Variants in ERP44 observed in about 807,000 individuals in gnomAD.
ERP44 encodes the protein endoplasmic reticulum resident protein 44.
A neutral mutation model predicts 53.4 loss-of-function variants in ERP44; 25 were observed. The observed-to-expected ratio is 0.47, with a 90% CI of 0.34 to 0.65. ERP44 has a LOEUF of 0.65. Among genes scored for constraint, ERP44 ranks in the 30% least tolerant of loss-of-function variants. ERP44 has a pLI of 0.01. For missense variants in ERP44, 338 were observed against 493.2 expected (o/e 0.69, Z 2.98); for synonymous variants, 145 against 161.2 (o/e 0.90, Z 0.76).
chr9:100,062,475 AACTT>A (rs1379485561), intron 1 of ERP44, among the ~76,000 whole-genome samples: 2 of 152,134 alleles, frequency 1.3e-5, no homozygotes, highest in African/African-American at 4.8e-5. Flanking sequence ...GCTAAAGAAA[AACTT>A]AAGAAGGCAG....
intron 6 of ERP44, among the ~76,000 whole-genome samples, chr9:100,020,320 TCTGA>T (rs1830574142): frequency 6.6e-6 from 1 of 152,238 alleles, no homozygotes; most frequent in Non-Finnish European, 1.5e-5. Context: ...TAGCATTTTG[TCTGA>T]CATAGGGTAA....
intron 10 of ERP44, among the ~76,000 whole-genome samples, chr9:100,003,533 C>G (rs1343915639): frequency 6.6e-6 from 1 of 152,250 alleles, no homozygotes; most frequent in Non-Finnish European, 1.5e-5. Flanking sequence ...TCTTAAGAGT[C>G]TTCACACTGG....
chr9:100,068,839 G>A (rs1308615101), intron 1 of ERP44, among the ~76,000 whole-genome samples: 1 of 152,224 alleles, frequency 6.6e-6, no homozygotes, highest in African/African-American at 2.4e-5. Flanking sequence ...GCGTTTTTGT[G>A]GAATGGAAAG....
Position 100,020,657 on chromosome 9 carries a change from C to T in ERP44, c.546G>A (p.Ala182=), listed in dbSNP as rs768743894. ...SDNYRVFERV[A]NILHDDCAFL... is the part of the protein sequence containing the mutation. ...AGGCACAGTCATCATGCAAAATATT[C>T]GCTACTCGTTCAAAAACTCTATAGT... The change falls in exon 6 of 12, where the codon GCG becomes GCA. Residue 182 remains alanine, a synonymous_variant. Coordinates refer to ENST00000262455, the MANE Select transcript of ERP44 (RefSeq NM_015051.3). 59 of 1,610,110 alleles carry T rather than the reference C, an allele frequency of 3.7e-5. No homozygotes were observed. The highest frequency in any genetic ancestry group is 4.3e-5 in the Non-Finnish European group (51 of 1,176,922).
chr9:100,067,927 C>G (rs960007896), intron 1 of ERP44, among the ~76,000 whole-genome samples: 1 of 151,562 alleles, frequency 6.6e-6, no homozygotes, highest in Non-Finnish European at 1.5e-5. Flanking sequence ...GCAACCACCC[C>G]GTCTGGGAAG....
At chr9:100,014,238 T>A (rs1830506171) in intron 8 of ERP44, among the ~76,000 whole-genome samples, 1 of 152,158 alleles carries the variant, frequency 6.6e-6, no homozygotes, top group Admixed American at 6.5e-5. Context: ...GCTGCCTGAT[T>A]CTGTTAGGTC....
intron 10 of ERP44, among the ~76,000 whole-genome samples, chr9:99,988,416 T>C (rs1271006512): frequency 6.6e-6 from 1 of 152,262 alleles, no homozygotes; most frequent in East Asian, 1.9e-4. Context: ...AGGTACATGA[T>C]AAATTCTAAG....
chr9:100,016,528 G>T, intron 7 of ERP44, 90 bp from the exon 8 acceptor site: 5 of 1,418,600 alleles, frequency 3.5e-6, no homozygotes, highest in Non-Finnish European at 4.6e-6. Flanking sequence ...TTAAAGCAAG[G>T]TCTCACTCTG....
chr9:100,077,470 C>T (rs1190364882), intron 1 of ERP44, among the ~76,000 whole-genome samples: 3 of 152,176 alleles, frequency 2.0e-5, no homozygotes, highest in Non-Finnish European at 4.4e-5. Context: ...GAATCAACAT[C>T]CAATATATGG....
rs551965377 is a variant in ERP44, at chr9:99,989,329, C to T, written c.1017-4260G>A. Among the ~76,000 whole-genome samples the T allele has an allele frequency of 2.3e-4, 35 of 152,322 alleles. 1 individual carries two copies. In the South Asian group the frequency reaches 6.8e-3, roughly 30 times the overall value. ...AGCTGGGTGCCCCTCTGAGACGAAG[C>T]TTCCAGAGAAAGGATTAGGCAGCAA... On this transcript the variant is annotated intron_variant, in intron 10 of 11. Transcript: ENST00000262455.
chr9:100,065,502 ATG>A (rs1012799027), intron 1 of ERP44, among the ~76,000 whole-genome samples: 2 of 152,218 alleles, frequency 1.3e-5, no homozygotes, highest in African/African-American at 4.8e-5. Context: ...AAAAATAAGT[ATG>A]TGAGGTGACA....
intron 1 of ERP44, among the ~76,000 whole-genome samples, chr9:100,094,039 T>A (rs1409622925): frequency 6.6e-6 from 1 of 152,208 alleles, no homozygotes; most frequent in Admixed American, 6.5e-5. Flanking sequence ...TACAGAAATC[T>A]ATCTCAAAGA....
intron 1 of ERP44, among the ~76,000 whole-genome samples, chr9:100,082,747 T>C (rs1483450557): frequency 9.9e-6 from 1 of 101,252 alleles, no homozygotes; most frequent in Non-Finnish European, 1.9e-5. Flanking sequence ...ATGGAGGGCC[T>C]ACTGTAGGAA....
chr9:100,098,164 T>C (rs1826670974), intron 1 of ERP44, among the ~76,000 whole-genome samples: 1 of 152,110 alleles, frequency 6.6e-6, no homozygotes, highest in African/African-American at 2.4e-5. Flanking sequence ...GAAGAAGAAA[T>C]CTGCTTCCAT....
In ERP44 at chr9:99,984,933, A is replaced by G. The variant is rs1298394727; in HGVS notation, c.1119+34T>C. On this transcript the variant is annotated intron_variant, in intron 11 of 11. Coordinates refer to ENST00000262455, the MANE Select transcript of ERP44 (RefSeq NM_015051.3). ...GAGGCTAACTGAAAAAGGGAAAAAA[A>G]GAGTTCTCATTGAAAAATAAACAGG... 4 of 1,370,392 alleles carry G rather than the reference A, an allele frequency of 2.9e-6. No homozygotes were observed. In the African/African-American group the frequency reaches 5.7e-5, roughly 20 times the overall value. The allele number at this position is 1,370,392 out of a possible 1,614,324, so 84.9% of individuals were successfully genotyped here.
At chr9:100,043,291 A>AAAAAAAAAAAAAAAAAAAACAAAAAAG (rs1168903331) in intron 4 of ERP44, among the ~76,000 whole-genome samples, 1 of 74,878 alleles carries the variant, frequency 1.3e-5, no homozygotes, top group African/African-American at 5.8e-5. Flanking sequence ...AAAAAAAAAA[A>AAAAAAAAAAAAAAAAAAAACAAAAAAG]GATAAATAAG....
chr9:100,061,050 T>C (rs931429053), intron 1 of ERP44, among the ~76,000 whole-genome samples: 1 of 152,232 alleles, frequency 6.6e-6, no homozygotes, highest in South Asian at 2.1e-4. Flanking sequence ...TCAGCACTTA[T>C]GACAGACTCA....
chr9:100,014,342 G>A (rs773049227), intron 8 of ERP44, among the ~76,000 whole-genome samples: 1 of 152,130 alleles, frequency 6.6e-6, no homozygotes, highest in Non-Finnish European at 1.5e-5. Context: ...CTGGAGTGCA[G>A]TGGTGGATCC....
chr9:100,063,532 T>C (rs1324487854), intron 1 of ERP44, among the ~76,000 whole-genome samples: 3 of 152,204 alleles, frequency 2.0e-5, no homozygotes, highest in Non-Finnish European at 2.9e-5. Context: ...AATGCTATAG[T>C]GCTTAAGTAA....
Sources: allele counts gnomAD v4.1 joint callset (sites outside exome capture counted in the v4.1 genomes callset), GRCh38; gene constraint gnomAD v4.1.1; transcripts MANE v1.5; gene names NCBI Gene and HGNC (gene_info 2026-07-23, HGNC 2026-07-21).